Variants in RAB7A observed in about 807,000 individuals in gnomAD.
RAB7A encodes the protein RAB7A, member RAS oncogene family.
RAB7A carries 2 observed loss-of-function variants against 24.5 expected under a neutral mutation model. The ratio of observed to expected loss-of-function variants is 0.08; its 90% confidence interval spans 0.03 to 0.26. The LOEUF is 0.26. RAB7A is among the 10% of genes least tolerant of loss of function. RAB7A has a pLI of 1.00. For missense variants in RAB7A, 118 were observed against 255.7 expected (o/e 0.46, Z 3.67); for synonymous variants, 100 against 95.9 (o/e 1.04, Z -0.25).
intron 1 of RAB7A, among the ~76,000 whole-genome samples, chr3:128,731,719 A>G (rs1027052135): frequency 1.3e-5 from 2 of 152,238 alleles, no homozygotes; most frequent in African/African-American, 4.8e-5. Flanking sequence ...GTAAAAGTGT[A>G]TCTTTCGGCC....
intron 1 of RAB7A, among the ~76,000 whole-genome samples, chr3:128,736,820 T>C (rs1008874622): frequency 1.3e-5 from 2 of 152,128 alleles, no homozygotes; most frequent in African/African-American, 4.8e-5. Flanking sequence ...TGATCCTACA[T>C]GTGTGGACTT....
chr3:128,766,164 T>C (rs896420049), intron 1 of RAB7A, among the ~76,000 whole-genome samples: 2 of 152,180 alleles, frequency 1.3e-5, no homozygotes, highest in Non-Finnish European at 2.9e-5. Context: ...TACTTAGATG[T>C]ACACCAATGT....
intron 1 of RAB7A, among the ~76,000 whole-genome samples, chr3:128,761,003 A>G (rs375464086): frequency 2.0e-5 from 3 of 152,230 alleles, no homozygotes; most frequent in African/African-American, 7.2e-5. Flanking sequence ...GTACAGATGC[A>G]CGAATTTGTT....
At chr3:128,747,910 G>T (rs1212249249) in intron 1 of RAB7A, among the ~76,000 whole-genome samples, 1 of 151,746 alleles carries the variant, frequency 6.6e-6, no homozygotes, top group Non-Finnish European at 1.5e-5. Flanking sequence ...TGGGATTGCA[G>T]GCACGTGCCA....
chr3:128,755,433 C>T (rs1036360968), intron 1 of RAB7A, among the ~76,000 whole-genome samples: 7 of 151,980 alleles, frequency 4.6e-5, no homozygotes, highest in African/African-American at 1.7e-4. Flanking sequence ...ACCAATCTAA[C>T]TTTTTACACC....
chr3:128,775,754 C>T (rs547121174), intron 1 of RAB7A, among the ~76,000 whole-genome samples: 9 of 151,814 alleles, frequency 5.9e-5, no homozygotes, highest in Non-Finnish European at 1.2e-4. Context: ...TTTTTTTTAA[C>T]TTGACAAGTA....
At chr3:128,788,468 A>G (rs547940318) in intron 1 of RAB7A, among the ~76,000 whole-genome samples, 3 of 152,346 alleles carry the variant, frequency 2.0e-5, no homozygotes, top group African/African-American at 2.4e-5. Context: ...TGGAAAAAGC[A>G]TTAAATTTGT....
chr3:128,796,982 C>T (rs750763612), intron 2 of RAB7A, among the ~76,000 whole-genome samples: 11 of 152,132 alleles, frequency 7.2e-5, no homozygotes, highest in Non-Finnish European at 1.5e-5. Flanking sequence ...ACCTTTTGTT[C>T]GCTAGCATTT....
At chr3:128,795,279 G>A (rs1449232906) in intron 1 of RAB7A, 81 bp from the exon 2 acceptor site, 7 of 1,192,606 alleles carry the variant, frequency 5.9e-6, no homozygotes, top group Non-Finnish European at 8.8e-6. Flanking sequence ...TGTTGGGGCT[G>A]CTCAGACATT....
intron 5 of RAB7A, among the ~76,000 whole-genome samples, chr3:128,812,009 G>A (rs897361241): frequency 5.3e-5 from 8 of 152,180 alleles, no homozygotes; most frequent in African/African-American, 1.9e-4. Flanking sequence ...TAGAATGGGG[G>A]TGGGAAGGAA....
chr3:128,786,594 G>A (rs923723788), intron 1 of RAB7A, among the ~76,000 whole-genome samples: 25 of 152,120 alleles, frequency 1.6e-4, no homozygotes, highest in African/African-American at 5.8e-4. Context: ...GTGAAAGTGT[G>A]GAATGTTACT....
intron 1 of RAB7A, among the ~76,000 whole-genome samples, chr3:128,738,730 T>G (rs1419233743): frequency 6.6e-6 from 1 of 152,196 alleles, no homozygotes; most frequent in Non-Finnish European, 1.5e-5. Context: ...TACCTGTTTT[T>G]CCCCAAATGT....
At chr3:128,762,153 G>A (rs1232135905) in intron 1 of RAB7A, among the ~76,000 whole-genome samples, 1 of 152,258 alleles carries the variant, frequency 6.6e-6, no homozygotes, top group East Asian at 1.9e-4. Flanking sequence ...CTATAACTTT[G>A]TGCTAATAAA....
intron 1 of RAB7A, among the ~76,000 whole-genome samples, chr3:128,735,400 A>G (rs572965395): frequency 3.9e-5 from 6 of 152,252 alleles, no homozygotes; most frequent in Non-Finnish European, 7.3e-5. Context: ...TTTAAGTTCA[A>G]CCAAGTGGCA....
chr3:128,739,947 T>C (rs1239160058), intron 1 of RAB7A, among the ~76,000 whole-genome samples: 1 of 152,034 alleles, frequency 6.6e-6, no homozygotes, highest in Non-Finnish European at 1.5e-5. Flanking sequence ...ATGCCTGTAA[T>C]CCCAGCTACT....
chr3:128,756,693 C>T (rs2070732131), intron 1 of RAB7A, among the ~76,000 whole-genome samples: 1 of 152,040 alleles, frequency 6.6e-6, no homozygotes, highest in African/African-American at 2.4e-5. Context: ...TCTCCAGTAG[C>T]CAAAATAATC....
intron 1 of RAB7A, among the ~76,000 whole-genome samples, chr3:128,763,317 C>G (rs2070792747): frequency 6.8e-6 from 1 of 148,140 alleles, no homozygotes; most frequent in Non-Finnish European, 1.5e-5. Flanking sequence ...TGGGTTCAGG[C>G]CATTCTGCTG....
chr3:128,746,021 C>T (rs777049325), intron 1 of RAB7A, among the ~76,000 whole-genome samples: 43 of 152,208 alleles, frequency 2.8e-4, no homozygotes, highest in Non-Finnish European at 5.6e-4. Flanking sequence ...AGCTCGGGAT[C>T]TTGTTGCTTT....
intron 1 of RAB7A, among the ~76,000 whole-genome samples, chr3:128,790,361 TC>T (rs1426409636): frequency 1.3e-5 from 2 of 152,264 alleles, no homozygotes; most frequent in South Asian, 2.1e-4. Context: ...TTTGAAAAAA[TC>T]AACAGATTAA....
Sources: gnomAD v4.1 joint callset for allele counts (sites outside exome capture counted in the v4.1 genomes callset) on GRCh38, gnomAD v4.1.1 for gene constraint, MANE v1.5 for transcripts, NCBI Gene and HGNC (gene_info 2026-07-23, HGNC 2026-07-21) for gene names.